DPP10: variants seen among roughly 807,000 people sequenced by gnomAD.
DPP10 encodes dipeptidyl peptidase like 10.
DPP10 carries 33 observed loss-of-function variants against 120.9 expected under a neutral mutation model. The ratio of observed to expected loss-of-function variants is 0.27; its 90% confidence interval spans 0.21 to 0.37. The LOEUF (loss-of-function observed/expected upper bound fraction) is 0.37, where lower values mean the gene tolerates loss of function less well. Among genes scored for constraint, DPP10 ranks in the 10% least tolerant of loss-of-function variants. The pLI is 1.00. For missense variants in DPP10, 816 were observed against 942.8 expected (o/e 0.87, Z 1.76); for synonymous variants, 337 against 326.1 (o/e 1.03, Z -0.36).
chr2:115,841,001 T>G (rs1239868525), intron 25 of DPP10, among the ~76,000 whole-genome samples, 178 bp downstream of exon 25: 1 of 152,108 alleles, frequency 6.6e-6, no homozygotes, highest in Admixed American at 6.5e-5. Flanking sequence ...GAACTCATGC[T>G]TTACAAGTGA....
At chr2:114,973,903 G>T (rs1325061309) in intron 1 of DPP10, among the ~76,000 whole-genome samples, 1 of 151,196 alleles carries the variant, frequency 6.6e-6, no homozygotes, top group Non-Finnish European at 1.5e-5. Flanking sequence ...GCTTTAAAAA[G>T]AAAAAAACTA....
At chr2:115,579,411 T>G (rs2149120427) in intron 5 of DPP10, 1 of 152,280 alleles carries the variant, frequency 6.6e-6, no homozygotes, top group Admixed American at 6.5e-5. Flanking sequence ...CATTACAAAA[T>G]AAGTGTGAAA....
chr2:114,605,207 T>C (rs1386154974), intron 1 of DPP10, among the ~76,000 whole-genome samples: 1 of 152,080 alleles, frequency 6.6e-6, no homozygotes, highest in Non-Finnish European at 1.5e-5. Context: ...CTAGAGTGAC[T>C]GGAAACTTAA....
chr2:115,607,804 G>A (rs2083799466), intron 5 of DPP10, among the ~76,000 whole-genome samples: 1 of 152,100 alleles, frequency 6.6e-6, no homozygotes, highest in African/African-American at 2.4e-5. Flanking sequence ...TAATGTAAAG[G>A]AAGTAGACGC....
chr2:115,590,134 A>T (rs2082544591), intron 5 of DPP10, among the ~76,000 whole-genome samples: 1 of 135,662 alleles, frequency 7.4e-6, no homozygotes. Context: ...TTTTTCCCCC[A>T]TATGGTATTT....
chr2:114,988,398 T>A (rs564840347), intron 1 of DPP10, among the ~76,000 whole-genome samples: 26 of 152,332 alleles, frequency 1.7e-4, no homozygotes, highest in African/African-American at 6.3e-4. Flanking sequence ...ACCACATATG[T>A]GAGAAGGAGG....
At chr2:115,028,534 T>A (rs77732501) in intron 1 of DPP10, among the ~76,000 whole-genome samples, 2 of 152,082 alleles carry the variant, frequency 1.3e-5, no homozygotes, top group Non-Finnish European at 2.9e-5. Flanking sequence ...GAATGTTCCA[T>A]GTACTTATGA....
At chr2:115,771,868 A>G (rs1681514028) in intron 13 of DPP10, among the ~76,000 whole-genome samples, 1 of 152,168 alleles carries the variant, frequency 6.6e-6, no homozygotes, top group Non-Finnish European at 1.5e-5. Context: ...AATTTTTGCA[A>G]ACATTTTGCT....
intron 1 of DPP10, among the ~76,000 whole-genome samples, chr2:114,572,985 T>C (rs1274789441): frequency 6.6e-6 from 1 of 152,182 alleles, no homozygotes; most frequent in Non-Finnish European, 1.5e-5. Flanking sequence ...TAGTCTTTGT[T>C]TGTTTGTTTA....
At chr2:115,228,171 T>C (rs1003298160) in intron 1 of DPP10, among the ~76,000 whole-genome samples, 1 of 152,024 alleles carries the variant, frequency 6.6e-6, no homozygotes, top group African/African-American at 2.4e-5. Flanking sequence ...GGTGTTAAAC[T>C]ACTGGGCTCA....
chr2:115,241,442 T>C (rs2058274460), intron 1 of DPP10, among the ~76,000 whole-genome samples: 1 of 152,236 alleles, frequency 6.6e-6, no homozygotes, highest in African/African-American at 2.4e-5. Context: ...ATCTCATTGC[T>C]GATATTCTCA....
Position 114,655,895 on chromosome 2 carries a change from C to A in DPP10, c.60+213057C>A, listed in dbSNP as rs144374707. 1.5e-3 allele frequency among the ~76,000 whole-genome samples: 227 copies of A among 152,074 alleles called. 2 individuals are homozygous for A. Among genetic ancestry groups the A allele is most frequent in the Admixed American group, 0.013 (206 of 15,264 alleles). ...ATTTTTGATTCTGCCGAGAGTGGGA[C>A]CTAATTCTGTCAAAGAGAGAAGGTT... On this transcript the variant is annotated intron_variant, in intron 1 of 25. Transcript: ENST00000410059.
intron 1 of DPP10, among the ~76,000 whole-genome samples, chr2:114,590,096 G>A (rs1191211131): frequency 6.6e-6 from 1 of 151,910 alleles, no homozygotes; most frequent in Non-Finnish European, 1.5e-5. Flanking sequence ...GCATATATAT[G>A]TGCATATGTT....
chr2:115,689,558 A>G, intron 5 of DPP10, 129 bp from the exon 6 acceptor site: 3 of 676,516 alleles, frequency 4.4e-6, no homozygotes, highest in South Asian at 2.1e-5. Context: ...CTTCTGAGCT[A>G]GAATGTTTTA....
chr2:115,539,560 A>G (rs1249473083), intron 5 of DPP10, among the ~76,000 whole-genome samples: 1 of 151,988 alleles, frequency 6.6e-6, no homozygotes, highest in Non-Finnish European at 1.5e-5. Flanking sequence ...CATTAATCCA[A>G]GAAGGATAAC....
chr2:115,818,354 T>C (rs1687476149), intron 21 of DPP10, among the ~76,000 whole-genome samples: 1 of 152,234 alleles, frequency 6.6e-6, no homozygotes, highest in African/African-American at 2.4e-5. Context: ...GTAGGGAATA[T>C]TTTACTCCTT....
At chr2:114,731,465 T>C (rs544517406) in intron 1 of DPP10, among the ~76,000 whole-genome samples, 140 of 152,118 alleles carry the variant, frequency 9.2e-4, no homozygotes, top group African/African-American at 3.2e-3. Flanking sequence ...GGGGAGGTGG[T>C]TGTGGGTGTT....
chr2:115,477,662 A>G (rs1453314736), intron 3 of DPP10, among the ~76,000 whole-genome samples: 2 of 152,242 alleles, frequency 1.3e-5, no homozygotes, highest in Non-Finnish European at 1.5e-5. Context: ...TAAAACTTAT[A>G]TGGAATCTTA....
At chr2:115,366,128 A>G (rs2065062460) in intron 3 of DPP10, among the ~76,000 whole-genome samples, 1 of 151,968 alleles carries the variant, frequency 6.6e-6, no homozygotes, top group Admixed American at 6.6e-5. Context: ...ATATAATAAT[A>G]TATTATTGAA....
Sources: allele counts gnomAD v4.1 joint callset (sites outside exome capture counted in the v4.1 genomes callset), GRCh38; gene constraint gnomAD v4.1.1; transcripts MANE v1.5; gene names NCBI Gene and HGNC (gene_info 2026-07-23, HGNC 2026-07-21).